FAM117B: variants seen among roughly 807,000 people sequenced by gnomAD.
The protein encoded by FAM117B is family with sequence similarity 117 member B.
A neutral mutation model predicts 52.8 loss-of-function variants in FAM117B; 22 were observed. That is an observed-to-expected ratio of 0.42 (90% CI 0.30 to 0.59). The LOEUF (loss-of-function observed/expected upper bound fraction) is 0.59. Among genes scored for constraint, FAM117B ranks in the 20% least tolerant of loss-of-function variants. The probability of loss-of-function intolerance (pLI) is 0.22; values close to 1 mark genes in which losing one functional copy is unlikely to be tolerated. For synonymous variants in FAM117B, 309 were observed against 324.1 expected, an observed-to-expected ratio of 0.95 and a Z score of 0.50; for missense variants, 678 against 802.6, an observed-to-expected ratio of 0.84 and a Z score of 1.88.
At chr2:202,695,502 G>T (rs1037945965) in intron 1 of FAM117B, among the ~76,000 whole-genome samples, 1 of 152,086 alleles carries the variant, frequency 6.6e-6, no homozygotes, top group African/African-American at 2.4e-5. Flanking sequence ...TCGTTGGATT[G>T]ACTGTCATGG....
chr2:202,650,803 A>G (rs963029198), intron 1 of FAM117B, among the ~76,000 whole-genome samples: 1 of 152,060 alleles, frequency 6.6e-6, no homozygotes, highest in Non-Finnish European at 1.5e-5. Flanking sequence ...AAGACTCAGC[A>G]AGTCCGCTCT....
chr2:202,675,670 C>T (rs1474255447), intron 1 of FAM117B, among the ~76,000 whole-genome samples: 1 of 151,898 alleles, frequency 6.6e-6, no homozygotes, highest in Non-Finnish European at 1.5e-5. Context: ...TGAGCAGAAC[C>T]TAGTGACTCA....
intron 4 of FAM117B, among the ~76,000 whole-genome samples, chr2:202,731,502 A>G (rs1691349947): frequency 6.6e-6 from 1 of 150,610 alleles, no homozygotes; most frequent in African/African-American, 2.4e-5. Context: ...GCGACCTTGG[A>G]TCATTGTAAC....
In FAM117B at chr2:202,757,108, G is replaced by A. The variant is rs1691810989; in HGVS notation, c.1105-105G>A. 3.5e-6 allele frequency: 4 copies of A among 1,144,570 alleles called. No homozygotes were observed. The Admixed American group carries it at 1.0e-4, about 29-fold the overall frequency. 70.9% of individuals were successfully genotyped at this position (1,144,570 alleles called of 1,614,324 possible). On this transcript the variant is annotated intron_variant, in intron 5 of 7. Transcript: ENST00000392238. ...TCCTAATAAGTAGGAAGGGATTTCT[G>A]ATTTGTGAGTCTCTGGCACTATATG...
intron 1 of FAM117B, among the ~76,000 whole-genome samples, chr2:202,684,730 A>G (rs896413622): frequency 1.3e-5 from 2 of 152,196 alleles, no homozygotes; most frequent in Non-Finnish European, 2.9e-5. Context: ...AACCAGTAAT[A>G]TATATTAAAT....
At chr2:202,763,895 T>C (rs747227846) in intron 7 of FAM117B, among the ~76,000 whole-genome samples, 2 of 152,192 alleles carry the variant, frequency 1.3e-5, no homozygotes, top group African/African-American at 2.4e-5. Flanking sequence ...CTCAGAGGGT[T>C]ACTACCAAAC....
At chr2:202,652,864 G>A (rs72926983) in intron 1 of FAM117B, among the ~76,000 whole-genome samples, 3,936 of 152,190 alleles carry the variant, frequency 0.026, 75 homozygotes, top group Non-Finnish European at 0.038. Context: ...TTTTTTACCC[G>A]TAAATCTCAG....
In FAM117B at chr2:202,745,570, CAATT is replaced by C. The variant is rs549507046; in HGVS notation, c.961-9965_961-9962del. ...AGGATATACAAAACAATCAAAAAAA[CAATT>C]AAAGTGACTGACAGGAGTAAGTTCT... is the stretch of plus-strand genomic sequence containing the variant. On this transcript the variant is annotated intron_variant, in intron 4 of 7. Coordinates refer to ENST00000392238, the MANE Select transcript of FAM117B (RefSeq NM_173511.4). Among the ~76,000 whole-genome samples, 461 of 152,172 alleles carry C rather than the reference CAATT, an allele frequency of 3.0e-3. 4 individuals are homozygous for C. The highest frequency in any genetic ancestry group is 0.01 in the African/African-American group (419 of 41,542).
chr2:202,701,095 G>GC (rs1690789500), intron 2 of FAM117B, among the ~76,000 whole-genome samples: 1 of 152,140 alleles, frequency 6.6e-6, no homozygotes, highest in Non-Finnish European at 1.5e-5. Flanking sequence ...TAAGGAACAG[G>GC]CCAACTCTCT....
intron 1 of FAM117B, among the ~76,000 whole-genome samples, chr2:202,695,145 C>T (rs1690691057): frequency 6.6e-6 from 1 of 152,052 alleles, no homozygotes; most frequent in Non-Finnish European, 1.5e-5. Flanking sequence ...ATTTGCTAGG[C>T]CTAGGGTGGG....
intron 2 of FAM117B, among the ~76,000 whole-genome samples, chr2:202,720,523 C>T (rs1691133787): frequency 3.3e-5 from 5 of 151,346 alleles, no homozygotes; most frequent in Admixed American, 3.3e-4. Flanking sequence ...ATAGCTACAA[C>T]AGCATTAGGT....
At chr2:202,649,308 T>C (rs554945094) in intron 1 of FAM117B, among the ~76,000 whole-genome samples, 1 of 152,320 alleles carries the variant, frequency 6.6e-6, no homozygotes, top group African/African-American at 2.4e-5. Flanking sequence ...TTTTCTGTCT[T>C]CCCTATCTTC....
Position 202,724,952 on chromosome 2 carries a change from G to A in FAM117B, c.789G>A (p.Lys263=). The change falls in exon 3 of 8, where the codon AAG becomes AAA. Residue 263 remains lysine, a synonymous_variant. Coordinates refer to ENST00000392238, the MANE Select transcript of FAM117B (RefSeq NM_173511.4). ...ESAWAEEYSE[K]KKGSHKRSAS... Reference sequence around the variant, plus strand: ...CATGGGCTGAAGAATACTCTGAAAAGAAGAAAGGGTCTCACAAGCGCTCAG... The same window carrying A: ...CATGGGCTGAAGAATACTCTGAAAAAAAGAAAGGGTCTCACAAGCGCTCAG... The A allele has an allele frequency of 6.2e-7, 1 of 1,613,020 alleles. No homozygotes were observed. Among genetic ancestry groups the A allele is most frequent in the East Asian group, 2.2e-5 (1 of 44,828 alleles).
intron 2 of FAM117B, among the ~76,000 whole-genome samples, chr2:202,697,718 T>G (rs1268980341): frequency 1.3e-5 from 2 of 151,880 alleles, no homozygotes; most frequent in Non-Finnish European, 2.9e-5. Context: ...TCTGACTAAT[T>G]TTTGTACTTT....
chr2:202,648,528 C>G (rs1267282114), intron 1 of FAM117B, among the ~76,000 whole-genome samples: 1 of 125,462 alleles, frequency 8.0e-6, no homozygotes, highest in Non-Finnish European at 1.6e-5. Context: ...ACCCCCCCCC[C>G]AAAACAAAAA....
intron 2 of FAM117B, among the ~76,000 whole-genome samples, chr2:202,699,765 T>C (rs1690769452): frequency 6.6e-6 from 1 of 152,236 alleles, no homozygotes; most frequent in Non-Finnish European, 1.5e-5. Context: ...TTTATTGAAC[T>C]TTATTGGGCT....
chr2:202,637,845 C>T (rs750285845), intron 1 of FAM117B, among the ~76,000 whole-genome samples: 17 of 151,034 alleles, frequency 1.1e-4, no homozygotes, highest in Non-Finnish European at 2.5e-4. Context: ...ATATAGCACA[C>T]CAAAATTACA....
At chr2:202,678,136 A>G (rs1187176815) in intron 1 of FAM117B, among the ~76,000 whole-genome samples, 1 of 152,230 alleles carries the variant, frequency 6.6e-6, no homozygotes, top group African/African-American at 2.4e-5. Flanking sequence ...GTGGAGGGAC[A>G]CCAGGGTCCT....
chr2:202,731,332 A>AATATATATATATATATAT lies in FAM117B; in HGVS notation c.960+4988_960+5005dup, dbSNP rs35255766. On this transcript the variant is annotated intron_variant, in intron 4 of 7. Coordinates refer to ENST00000392238, the MANE Select transcript of FAM117B (RefSeq NM_173511.4). ...TCAGGGGAGGATGTGGAGAAATTGGAATATATATATATATATATATATATA... is the reference window on the plus strand; with the variant it reads ...TCAGGGGAGGATGTGGAGAAATTGGAATATATATATATATATATATATATATATATATATATATATATA... Among the ~76,000 whole-genome samples, 216 of 30,682 alleles carry AATATATATATATATATAT rather than the reference A, an allele frequency of 7.0e-3. 10 individuals are homozygous for AATATATATATATATATAT. The highest frequency in any genetic ancestry group is 0.016 in the Non-Finnish European group (150 of 9,560). 20.1% of individuals were successfully genotyped at this position (30,682 alleles called of 152,430 possible). A position where few individuals can be genotyped will look rare whatever the true frequency, so the allele number is the denominator to read the frequency against.
Sources: gnomAD v4.1 joint callset for allele counts (sites outside exome capture counted in the v4.1 genomes callset) on GRCh38, gnomAD v4.1.1 for gene constraint, MANE v1.5 for transcripts, NCBI Gene and HGNC (gene_info 2026-07-23, HGNC 2026-07-21) for gene names.